Variants in PPFIBP2 observed in about 807,000 individuals in gnomAD.
The protein encoded by PPFIBP2 is liprin-beta-2.
PPFIBP2 carries 118 observed loss-of-function variants against 118.3 expected under a neutral mutation model. That is an observed-to-expected ratio of 1.00 (90% confidence interval 0.86 to 1.16). The LOEUF is 1.16. PPFIBP2 is among the 50% of genes most tolerant of loss of function. The probability of loss-of-function intolerance (pLI) is 0.00; values close to 1 mark genes in which losing one functional copy is unlikely to be tolerated. For missense variants in PPFIBP2, 1,195 were observed against 1,073.1 expected (o/e 1.11, Z -1.59); for synonymous variants, 414 against 397.4 (o/e 1.04, Z -0.50).
intron 3 of PPFIBP2, among the ~76,000 whole-genome samples, chr11:7,580,200 T>G (rs1439347295): frequency 1.3e-5 from 2 of 152,156 alleles, no homozygotes; most frequent in Non-Finnish European, 2.9e-5. Flanking sequence ...CTAACTCTCA[T>G]CCACTTCAAC....
Position 7,648,906 on chromosome 11 carries a change from T to A in PPFIBP2, c.1904T>A (p.Val635Glu), listed in dbSNP as rs779629609. Residue 635 changes from valine to glutamate, a missense_variant, in exon 19 of 24, where the codon GTG becomes GAG. Transcript: ENST00000299492. ...TCTGCACTGCTAGACCACATTTGGG[T>A]GACAAGTAAGGATAGGCATATATGT... ...EKSALLDHIW[V>E]TRWLDDIGLP... The A allele has an allele frequency of 6.2e-7, 1 of 1,612,678 alleles. No individual in the cohort carries two copies. The highest frequency in any genetic ancestry group is 1.1e-5 in the South Asian group (1 of 91,046).
chr11:7,633,052 T>A, intron 12 of PPFIBP2, 118 bp downstream of exon 12: 1 of 867,522 alleles, frequency 1.2e-6, no homozygotes, highest in Non-Finnish European at 1.8e-6. Context: ...TAGGTGCACC[T>A]GCCCCTCTGT....
rs1158643984 is a variant in PPFIBP2, at chr11:7,616,260, T to C, written c.619-4675T>C. ...TTAGGACAATAGTCCCCCAAAGTGC[T>C]TGCTATAAGTTAATTTTAAGGAATC... is the stretch of plus-strand genomic sequence containing the variant. On this transcript the variant is annotated intron_variant, in intron 6 of 23. Transcript: ENST00000299492. This position sits in a 1 kb window ranked among gnomAD's most constrained non-coding sequence, Gnocchi z 5.2. Among the ~76,000 whole-genome samples, 1 of 152,204 alleles carries C rather than the reference T, an allele frequency of 6.6e-6. No individual in the cohort carries two copies. The highest frequency in any genetic ancestry group is 1.5e-5 in the Non-Finnish European group (1 of 68,030).
intron 1 of PPFIBP2, among the ~76,000 whole-genome samples, chr11:7,534,771 C>T (rs1851052411): frequency 6.6e-6 from 1 of 152,222 alleles, no homozygotes; most frequent in African/African-American, 2.4e-5. Context: ...AAGGCTGGTC[C>T]ATAAGCCAGA....
Position 7,641,518 on chromosome 11 carries a change from A to C in PPFIBP2, c.1415A>C (p.Asn472Thr). 1 of 1,613,824 alleles carries C rather than the reference A, an allele frequency of 6.2e-7. No individual in the cohort carries two copies. ...GGCTGGGACGACACTGCTGTGGTCA[A>C]TGACCTCTCATCCACATCATCGGGC... is the stretch of plus-strand genomic sequence containing the variant. Reference protein sequence around the residue: ...ESGWDDTAVVNDLSSTSSGTE... With the variant: ...ESGWDDTAVVTDLSSTSSGTE... Residue 472 changes from asparagine to threonine, a missense_variant, in exon 16 of 24, where the codon AAT becomes ACT. Asn to Thr is a moderately conservative substitution (Grantham distance 65). Transcript: ENST00000299492.
At chr11:7,531,299 A>T (rs577393154) in intron 1 of PPFIBP2, among the ~76,000 whole-genome samples, 1 of 152,336 alleles carries the variant, frequency 6.6e-6, no homozygotes, top group East Asian at 1.9e-4. Context: ...GCCTCCCCAC[A>T]TGCTGGAGCT....
intron 5 of PPFIBP2, chr11:7,605,978 G>C: frequency 6.5e-7 from 1 of 1,535,526 alleles, no homozygotes; most frequent in East Asian, 2.4e-5. Flanking sequence ...TTAATAACAA[G>C]GATGTGGAAG....
At chr11:7,576,095 T>C (rs764947189) in intron 3 of PPFIBP2, among the ~76,000 whole-genome samples, 8 of 152,182 alleles carry the variant, frequency 5.3e-5, no homozygotes, top group Non-Finnish European at 8.8e-5. Flanking sequence ...CTGGTGGACA[T>C]TGAAGCCATG....
intron 3 of PPFIBP2, among the ~76,000 whole-genome samples, chr11:7,571,539 CGT>C (rs1855651412): frequency 6.6e-6 from 1 of 152,044 alleles, no homozygotes; most frequent in Non-Finnish European, 1.5e-5. Flanking sequence ...AGTCAGGATA[CGT>C]GTGTGTTGAA....
Position 7,634,496 on chromosome 11 carries a change from G to A in PPFIBP2, c.1138G>A (p.Ala380Thr), listed in dbSNP as rs1439686672. The A allele has an allele frequency of 1.9e-6, 3 of 1,610,818 alleles. No homozygotes were observed. Among genetic ancestry groups the A allele is most frequent in the Non-Finnish European group, 8.5e-7 (1 of 1,177,270 alleles). ...TTCTTTCTTTTGTGTTTTTTTCAGG[G>A]CTCAGAAAAAGCTCTCTTGTAGTCT... ...PLPQKSLETR[A>T]QKKLSCSLED... Residue 380 changes from alanine (A) to threonine (T), a missense_variant and splice_region_variant, in exon 13 of 24, where the codon GCT becomes ACT. By Grantham distance (58) the Ala-to-Thr change is moderately conservative. Transcript: ENST00000299492.
chr11:7,537,532 C>G (rs1285128594), intron 1 of PPFIBP2, among the ~76,000 whole-genome samples: 1 of 152,326 alleles, frequency 6.6e-6, no homozygotes, highest in South Asian at 2.1e-4. Flanking sequence ...GTTGCCTAGT[C>G]CTGGCTCTTC....
At chr11:7,643,399 A>G (rs1420375844) in intron 17 of PPFIBP2, among the ~76,000 whole-genome samples, 1 of 152,188 alleles carries the variant, frequency 6.6e-6, no homozygotes, top group Non-Finnish European at 1.5e-5. Flanking sequence ...GTAGGAGAGC[A>G]TGGTTAGGGA....
At chr11:7,615,842 G>C (rs1180190134) in intron 6 of PPFIBP2, among the ~76,000 whole-genome samples, 1 of 152,166 alleles carries the variant, frequency 6.6e-6, no homozygotes, top group African/African-American at 2.4e-5. Flanking sequence ...TGTAGACTTG[G>C]GTAAATCATA....
chr11:7,648,526 G>C lies in PPFIBP2; in HGVS notation c.1786G>C (p.Asp596His), dbSNP rs770078076. ...CACCTTATTGACAGCCACCCCTCAG[G>C]ACATGGAAAAGGTAAGGGCTCAGCT... ...GHTLLTATPQ[D>H]MEKELGIKHP... is the part of the protein sequence containing the mutation. Residue 596 changes from aspartate (D) to histidine (H), a missense_variant, in exon 18 of 24, where the codon GAC becomes CAC. By Grantham distance (81) the Asp-to-His change is moderately conservative. Coordinates refer to ENST00000299492, the MANE Select transcript of PPFIBP2 (RefSeq NM_003621.5). The C allele has an allele frequency of 6.2e-7, 1 of 1,614,026 alleles. No individual in the cohort carries two copies.
intron 1 of PPFIBP2, among the ~76,000 whole-genome samples, chr11:7,541,656 T>C (rs917906113): frequency 1.3e-5 from 2 of 152,170 alleles, no homozygotes; most frequent in Non-Finnish European, 2.9e-5. Flanking sequence ...CTTAAATACA[T>C]CTTTATGAAG....
intron 17 of PPFIBP2, among the ~76,000 whole-genome samples, chr11:7,644,561 A>G (rs1033962018): frequency 6.6e-6 from 1 of 151,876 alleles, no homozygotes. Context: ...CTGCTCCCCT[A>G]CCCTGGGCCC....
intron 15 of PPFIBP2, among the ~76,000 whole-genome samples, chr11:7,640,843 C>T (rs780000550): frequency 6.6e-6 from 1 of 152,174 alleles, no homozygotes; most frequent in African/African-American, 2.4e-5. Flanking sequence ...CACATGAAAC[C>T]TCTTCTCAGT....
chr11:7,574,672 G>C (rs1172439561), intron 3 of PPFIBP2, among the ~76,000 whole-genome samples: 1 of 152,158 alleles, frequency 6.6e-6, no homozygotes, highest in Non-Finnish European at 1.5e-5. Flanking sequence ...TGCCTTGCCA[G>C]GCCAGTGTGA....
chr11:7,625,976 T>A, intron 8 of PPFIBP2, 85 bp downstream of exon 8: 2 of 1,110,364 alleles, frequency 1.8e-6, no homozygotes, highest in Non-Finnish European at 2.7e-6. Context: ...TATAAATGAG[T>A]GTGCATATGT....
Sources: gnomAD v4.1 joint callset for allele counts (sites outside exome capture counted in the v4.1 genomes callset) on GRCh38, gnomAD v4.1.1 for gene constraint, Gnocchi (gnomAD v3.1) non-coding constraint, MANE v1.5 for transcripts, NCBI Gene and HGNC (gene_info 2026-07-23, HGNC 2026-07-21) for gene names.